The following ZRANB3 variants were observed in gnomAD, a reference collection of about 807,000 sequenced individuals.
ZRANB3 encodes the protein zinc finger RANBP2-type containing 3, also known as DNA annealing helicase and endonuclease ZRANB3.
Under a neutral mutation model 133.8 loss-of-function variants are expected in ZRANB3, and 125 were observed. The ratio of observed to expected loss-of-function variants is 0.93; its 90% CI spans 0.81 to 1.08. The LOEUF (loss-of-function observed/expected upper bound fraction) is 1.08, where lower values mean the gene tolerates loss of function less well. Ranked by LOEUF, ZRANB3 falls within the 50% of genes least tolerant of loss-of-function variation. ZRANB3 has a pLI of 0.00. For synonymous variants in ZRANB3, 387 were observed against 432.7 expected (o/e 0.89, Z 1.31); for missense variants, 1,229 against 1,275.5 (o/e 0.96, Z 0.56).
rs747087140 is a variant in ZRANB3 at position 135,271,797 on chromosome 2, C to G, written c.1177G>C (p.Ala393Pro). The change falls in exon 10 of 21, where the codon GCT becomes CCT. Residue 393 changes from alanine (A) to proline (P), a missense_variant. Coordinates refer to ENST00000264159, the MANE Select transcript of ZRANB3 (RefSeq NM_032143.4). ...CCAGCAGCCTGAATGCTTAGGATAG[C>G]CACGCGAGTGTCAGGATCCTTTTGA... is the stretch of plus-strand genomic sequence containing the variant. ...QFQKDPDTRV[A>P]ILSIQAAGQG... The G allele has an allele frequency of 1.2e-6, 2 of 1,613,464 alleles. No homozygotes were observed. The highest frequency in any genetic ancestry group is 1.7e-6 in the Non-Finnish European group (2 of 1,179,776).
chr2:135,512,563 T>C (rs1334968500), intron 1 of ZRANB3, among the ~76,000 whole-genome samples: 1 of 151,618 alleles, frequency 6.6e-6, no homozygotes, highest in Non-Finnish European at 1.5e-5. Flanking sequence ...AATTAAAATA[T>C]ATATAAATTT....
chr2:135,346,960 A>G (rs1047432900), intron 5 of ZRANB3, among the ~76,000 whole-genome samples: 41 of 152,126 alleles, frequency 2.7e-4, no homozygotes, highest in African/African-American at 8.9e-4. Context: ...CTCTCTTCCA[A>G]TCCTGCCAAC....
At chr2:135,409,600 C>T (rs1428852596) in intron 2 of ZRANB3, among the ~76,000 whole-genome samples, 8 of 152,030 alleles carry the variant, frequency 5.3e-5, no homozygotes, top group Non-Finnish European at 1.2e-4. Context: ...TCTACTTTCA[C>T]CACTCCCATT....
intron 1 of ZRANB3, among the ~76,000 whole-genome samples, chr2:135,525,762 C>T (rs779632919): frequency 2.0e-5 from 3 of 150,510 alleles, no homozygotes; most frequent in East Asian, 3.9e-4. Flanking sequence ...ATAGGAGAAT[C>T]GCTTGAACCC....
At chr2:135,517,554 T>G in intron 1 of ZRANB3, among the ~76,000 whole-genome samples, 1 of 152,196 alleles carries the variant, frequency 6.6e-6, no homozygotes, top group East Asian at 1.9e-4. Flanking sequence ...TGTTGGAGTT[T>G]GCTAGAGGTC....
chr2:135,357,328 T>C (rs1291491503), intron 3 of ZRANB3, among the ~76,000 whole-genome samples: 1 of 151,894 alleles, frequency 6.6e-6, no homozygotes, highest in African/African-American at 2.4e-5. Flanking sequence ...CGGAGTCTTG[T>C]TCTGTCACCC....
intron 8 of ZRANB3, among the ~76,000 whole-genome samples, chr2:135,286,065 T>C (rs540422531): frequency 6.6e-6 from 1 of 152,298 alleles, no homozygotes; most frequent in African/African-American, 2.4e-5. Flanking sequence ...TGTTCCATTG[T>C]TTTATTATTT....
intron 1 of ZRANB3, chr2:135,511,720 G>GT: frequency 1.3e-6 from 1 of 765,996 alleles, no homozygotes. Context: ...GAGAATCTTG[G>GT]TGTGGCAGTT....
chr2:135,207,167 AAAATAAATAAATAAATAAATAAATAAT>A (rs1424704709), intron 19 of ZRANB3, among the ~76,000 whole-genome samples: 1 of 148,136 alleles, frequency 6.8e-6, no homozygotes, highest in Non-Finnish European at 1.5e-5. Flanking sequence ...CTCTGTCTCC[AAAATAAATAAATAAATAAATAAATAAT>A]AAATAAATAA....
intron 1 of ZRANB3, among the ~76,000 whole-genome samples, chr2:135,524,318 G>A (rs1223355178): frequency 6.6e-6 from 1 of 152,066 alleles, no homozygotes; most frequent in Admixed American, 6.6e-5. Context: ...CCGACCTCAG[G>A]TGATCCACCC....
chr2:135,379,261 C>T (rs1279349485), intron 3 of ZRANB3, among the ~76,000 whole-genome samples: 2 of 152,160 alleles, frequency 1.3e-5, no homozygotes, highest in African/African-American at 2.4e-5. Flanking sequence ...GCAGGTGACA[C>T]TGATTTAAAG....
At chr2:135,444,123 C>T (rs1689913597) in intron 2 of ZRANB3, among the ~76,000 whole-genome samples, 1 of 150,362 alleles carries the variant, frequency 6.7e-6, no homozygotes, top group Non-Finnish European at 1.5e-5. Context: ...AAAAAAAAAG[C>T]GCTGATAAGA....
chr2:135,463,936 C>G (rs938148421), intron 2 of ZRANB3, among the ~76,000 whole-genome samples: 1 of 152,192 alleles, frequency 6.6e-6, no homozygotes, highest in African/African-American at 2.4e-5. Flanking sequence ...ATCCCTTCAT[C>G]TATAAAACCA....
chr2:135,473,683 G>C (rs914412965), intron 2 of ZRANB3, among the ~76,000 whole-genome samples: 1 of 152,070 alleles, frequency 6.6e-6, no homozygotes, highest in Admixed American at 6.6e-5. Flanking sequence ...ATAGATAATG[G>C]TGTCTTCGTA....
rs528640755 is a variant in ZRANB3 at position 135,384,779 on chromosome 2, G to C, written c.180+6023C>G. Among the ~76,000 whole-genome samples, 17 of 152,290 alleles carry C rather than the reference G, an allele frequency of 1.1e-4. No homozygotes were observed. The East Asian group carries it at 2.9e-3, about 26-fold the overall frequency. ...CTCAATAGATGCAGAAAAGGCCTTT[G>C]ACAAAATTCAACAGCCCTTCATGCT... On this transcript the variant is annotated intron_variant, in intron 3 of 20. Transcript: ENST00000264159.
At chr2:135,467,332 CTTCTAA>C (rs928638946) in intron 2 of ZRANB3, among the ~76,000 whole-genome samples, 15 of 152,208 alleles carry the variant, frequency 9.9e-5, no homozygotes, top group African/African-American at 3.6e-4. Flanking sequence ...GCCAAGAGCA[CTTCTAA>C]TCCATATAAG....
chr2:135,480,610 C>G (rs1186893919), intron 2 of ZRANB3, among the ~76,000 whole-genome samples: 1 of 151,194 alleles, frequency 6.6e-6, no homozygotes, highest in Non-Finnish European at 1.5e-5. Context: ...TTTTTTTAAT[C>G]TTTTATTATT....
chr2:135,339,405 AAAAAAAAACAAC>A (rs1684525450), intron 6 of ZRANB3, among the ~76,000 whole-genome samples: 1 of 151,600 alleles, frequency 6.6e-6, no homozygotes, highest in African/African-American at 2.4e-5. Flanking sequence ...CTCCATCTGA[AAAAAAAAACAAC>A]AAAAAAAACA....
At chr2:135,387,643 T>C (rs1032202727) in intron 3 of ZRANB3, among the ~76,000 whole-genome samples, 3 of 152,168 alleles carry the variant, frequency 2.0e-5, no homozygotes, top group African/African-American at 7.2e-5. Context: ...ATAAACCCTG[T>C]CAAGTCAAAT....
Sources: gnomAD v4.1 joint callset for allele counts (sites outside exome capture counted in the v4.1 genomes callset) on GRCh38, gnomAD v4.1.1 for gene constraint, MANE v1.5 for transcripts, NCBI Gene and HGNC (gene_info 2026-07-23, HGNC 2026-07-21) for gene names.